Variants in DIAPH2 observed in about 807,000 individuals in gnomAD.
DIAPH2 encodes protein diaphanous homolog 2.
In DIAPH2, 35 loss-of-function variants were observed where a neutral mutation model predicts 92.7. That is an observed-to-expected ratio of 0.38 (90% CI 0.29 to 0.50). The LOEUF (loss-of-function observed/expected upper bound fraction) is 0.50, where lower values mean the gene tolerates loss of function less well. DIAPH2 is among the 20% of genes least tolerant of loss of function. The pLI is 0.94. For synonymous variants in DIAPH2, 301 were observed against 280.4 expected (o/e 1.07, Z -0.73); for missense variants, 701 against 819.5 (o/e 0.86, Z 1.77).
rs764218929 is a variant in DIAPH2 at position 97,136,100 on chromosome X, C to T, written c.2590-5565C>T. ...AAAGTGAACAAAGAAGACAAGAAAA[C>T]TCTGTACTTGTGTCCAGCATAGCTG... On this transcript the variant is annotated intron_variant, in intron 21 of 26. Coordinates refer to ENST00000324765, the MANE Select transcript of DIAPH2 (RefSeq NM_006729.5). Among the ~76,000 whole-genome samples the T allele has an allele frequency of 1.0e-3, 116 of 112,232 alleles. 1 individual carries two copies. Among genetic ancestry groups the T allele is most frequent in the African/African-American group, 3.7e-3 (114 of 30,952 alleles).
chrX:97,105,089 C>T (rs2066930324), intron 20 of DIAPH2, among the ~76,000 whole-genome samples: 1 of 111,512 alleles, frequency 9.0e-6, no homozygotes, highest in African/African-American at 3.3e-5. Flanking sequence ...CGAGATTGCA[C>T]CACTGCACTC....
intron 17 of DIAPH2, among the ~76,000 whole-genome samples, chrX:97,041,213 C>T (rs753703936): frequency 7.2e-5 from 8 of 110,959 alleles, no homozygotes; most frequent in South Asian, 3.7e-4. Flanking sequence ...TGCCAACCTA[C>T]GCACACCCGA....
At chrX:97,342,624 C>T (rs763145715) in intron 23 of DIAPH2, among the ~76,000 whole-genome samples, 2 of 111,691 alleles carry the variant, frequency 1.8e-5, no homozygotes, top group Non-Finnish European at 3.8e-5. Flanking sequence ...CTGTGCCAGG[C>T]GCACGTCTAG....
At chrX:96,738,790 A>G in intron 3 of DIAPH2, 28 bp downstream of exon 3, 1 of 1,144,840 alleles carries the variant, frequency 8.7e-7, no homozygotes, top group Non-Finnish European at 1.2e-6. Flanking sequence ...TTTTGATGTA[A>G]TTTTAAAATG....
chrX:96,743,321 G>A (rs932863960), intron 3 of DIAPH2, among the ~76,000 whole-genome samples: 1 of 109,257 alleles, frequency 9.2e-6, no homozygotes, highest in African/African-American at 3.3e-5. Flanking sequence ...TGTATATGCA[G>A]ATATTAAAAT....
At chrX:97,049,207 A>C (rs922873091) in intron 17 of DIAPH2, among the ~76,000 whole-genome samples, 2 of 110,641 alleles carry the variant, frequency 1.8e-5, no homozygotes, top group Admixed American at 9.6e-5. Context: ...AATTATAATT[A>C]ATAATTTTAA....
chrX:97,171,775 C>T (rs1419305089), intron 22 of DIAPH2, among the ~76,000 whole-genome samples: 3 of 111,034 alleles, frequency 2.7e-5, no homozygotes, highest in East Asian at 5.7e-4. Flanking sequence ...CCCGTCTCTA[C>T]TAAAAATACA....
chrX:97,362,097 CG>C (rs944819746), intron 24 of DIAPH2, among the ~76,000 whole-genome samples: 6 of 110,399 alleles, frequency 5.4e-5, no homozygotes, highest in Non-Finnish European at 1.1e-4. Flanking sequence ...AAAAATTAGC[CG>C]GGTGTGGTGG....
In DIAPH2 at chrX:96,840,025, AATAATTT is replaced by A. The variant is rs777025711; in HGVS notation, c.448-41551_448-41545del. Among the ~76,000 whole-genome samples the A allele has an allele frequency of 6.2e-5, 7 of 112,577 alleles. No homozygotes were observed. The South Asian group carries it at 2.6e-3, about 41-fold the overall frequency. ...AAAAGAAACAGGTGAAATTCATTTT[AATAATTT>A]ATTTTATGTAATCCAATATATTTAG... On this transcript the variant is annotated intron_variant, in intron 4 of 26. Coordinates refer to ENST00000324765, the MANE Select transcript of DIAPH2 (RefSeq NM_006729.5).
chrX:97,157,339 TAATAATA>T (rs1398939889), intron 22 of DIAPH2, among the ~76,000 whole-genome samples: 9,400 of 46,989 alleles, frequency 0.2, 706 homozygotes, highest in African/African-American at 0.28. Context: ...AATAATATAA[TAATAATA>T]ATAATAATGA....
chrX:96,773,234 GTT>G (rs200899915), intron 4 of DIAPH2, among the ~76,000 whole-genome samples: 5 of 93,230 alleles, frequency 5.4e-5, no homozygotes, highest in Admixed American at 1.3e-4. Context: ...CGGCTGAATT[GTT>G]TCCCCCCCCC....
chrX:97,507,141 C>CAAAAAAAAAAAAAAAAAAAAAAAAAAAAA (rs397896097), intron 26 of DIAPH2, among the ~76,000 whole-genome samples: 3 of 31,131 alleles, frequency 9.6e-5, no homozygotes, highest in Non-Finnish European at 1.6e-4. Flanking sequence ...ACAAAACCGA[C>CAAAAAAAAAAAAAAAAAAAAAAAAAAAAA]AAAAAAAAAA....
rs745946903 is a variant in DIAPH2, at chrX:97,538,030, G to A, written c.3242-61223G>A. ...CTCCCCAGTAGCTGGGACTACAGGC[G>A]CCCGCCACCGCACCCAGCTAATTTT... On this transcript the variant is annotated intron_variant, in intron 26 of 26. Transcript: ENST00000324765. Among the ~76,000 whole-genome samples, 10 of 108,708 alleles carry A rather than the reference G, an allele frequency of 9.2e-5. No homozygotes were observed. The South Asian group carries it at 2.5e-3, about 27-fold the overall frequency. 94.4% of individuals were successfully genotyped at this position (108,708 alleles called of 115,157 possible). A position where few individuals can be genotyped will look rare whatever the true frequency, so the allele number is the denominator to read the frequency against.
intron 26 of DIAPH2, among the ~76,000 whole-genome samples, chrX:97,525,216 T>C (rs770498641): frequency 9.8e-5 from 11 of 112,141 alleles, no homozygotes; most frequent in African/African-American, 3.6e-4. Flanking sequence ...TTCCCATGTT[T>C]TACCAACTGT....
chrX:97,203,406 A>C (rs1445466913), intron 22 of DIAPH2, among the ~76,000 whole-genome samples: 1 of 111,827 alleles, frequency 8.9e-6, no homozygotes, highest in Non-Finnish European at 1.9e-5. Flanking sequence ...AAAGATTAAC[A>C]AAATAGATGG....
At chrX:96,691,097 G>A (rs1348739219) in intron 1 of DIAPH2, among the ~76,000 whole-genome samples, 1 of 111,764 alleles carries the variant, frequency 8.9e-6, no homozygotes, top group Non-Finnish European at 1.9e-5. Flanking sequence ...TTTCCAACCT[G>A]CTTTCAAAGA....
intron 4 of DIAPH2, among the ~76,000 whole-genome samples, chrX:96,821,348 A>G (rs1401140848): frequency 9.0e-6 from 1 of 111,325 alleles, no homozygotes; most frequent in Non-Finnish European, 1.9e-5. Flanking sequence ...CTCCTGGTGA[A>G]GCAGCAGAAC....
intron 4 of DIAPH2, among the ~76,000 whole-genome samples, chrX:96,803,119 A>T (rs928814639): frequency 9.1e-6 from 1 of 110,473 alleles, no homozygotes; most frequent in Admixed American, 9.6e-5. Flanking sequence ...TCAAATGTTA[A>T]TCTCCTTTGG....
chrX:96,854,598 CATATATATATATATATATATATATATAT>C (rs57209486), intron 4 of DIAPH2, among the ~76,000 whole-genome samples: 1,277 of 37,114 alleles, frequency 0.034, 43 homozygotes, highest in South Asian at 0.06. Context: ...CTCTCTCTCT[CATATATATATATATATATATATATATAT>C]ATATATATAT....
Sources: gnomAD v4.1 joint callset for allele counts (sites outside exome capture counted in the v4.1 genomes callset) on GRCh38, gnomAD v4.1.1 for gene constraint, MANE v1.5 for transcripts, NCBI Gene and HGNC (gene_info 2026-07-23, HGNC 2026-07-21) for gene names.